The following FRA10AC1 variants were observed in gnomAD, a reference collection of about 807,000 sequenced individuals.
FRA10AC1 encodes FRA10A associated CGG repeat 1, also known as protein FRA10AC1.
A neutral mutation model predicts 56.5 loss-of-function variants in FRA10AC1; 43 were observed. That is an observed-to-expected ratio of 0.76 (90% CI 0.60 to 0.98). The LOEUF is 0.98. FRA10AC1 is among the 50% of genes least tolerant of loss of function. FRA10AC1 has a pLI of 0.00. For synonymous variants in FRA10AC1, 112 were observed against 110.5 expected (o/e 1.01, Z -0.09); for missense variants, 346 against 351.8 (o/e 0.98, Z 0.13).
Position 93,668,561 on chromosome 10 carries a change from T to C in FRA10AC1, c.*1265A>G, listed in dbSNP as rs1450693593. On this transcript the variant is annotated 3_prime_UTR_variant, in exon 14 of 14. Coordinates refer to ENST00000359204, the MANE Select transcript of FRA10AC1 (RefSeq NM_145246.5). ...CATTTTCACACTGCTGATAAAGACA[T>C]ACCAGAGACTGGGGAAGAAAAAGAG... 2.0e-5 allele frequency: 3 copies of C among 153,724 alleles called. No homozygotes were observed. In the East Asian group the frequency reaches 5.7e-4, roughly 29 times the overall value. The allele number at this position is 153,724 out of a possible 1,614,324, so 9.5% of individuals were successfully genotyped here. A position where few individuals can be genotyped will look rare whatever the true frequency, so the allele number is the denominator to read the frequency against.
intron 11 of FRA10AC1, among the ~76,000 whole-genome samples, chr10:93,679,309 G>T (rs1293777595): frequency 6.6e-6 from 1 of 152,282 alleles, no homozygotes; most frequent in Middle Eastern, 3.4e-3. Context: ...ATATAGCAAT[G>T]AACAAAGCAG....
intron 2 of FRA10AC1, 137 bp downstream of exon 2, chr10:93,699,893 A>C: frequency 1.8e-6 from 1 of 565,454 alleles, no homozygotes; most frequent in Non-Finnish European, 3.1e-6. Flanking sequence ...GTATTAGCTT[A>C]ATGAACAAAA....
chr10:93,687,497 C>T, intron 7 of FRA10AC1, 48 bp from the exon 8 acceptor site: 1 of 1,410,046 alleles, frequency 7.1e-7, no homozygotes, highest in Non-Finnish European at 9.5e-7. Context: ...TTAAATTATA[C>T]AGAAATCTAA....
chr10:93,697,260 G>A (rs1458058583), intron 4 of FRA10AC1, among the ~76,000 whole-genome samples: 1 of 152,108 alleles, frequency 6.6e-6, no homozygotes, highest in African/African-American at 2.4e-5. Flanking sequence ...ATGTTTAAAT[G>A]CTAAAGGAAC....
At chr10:93,692,120 T>C (rs764771487) in intron 6 of FRA10AC1, 27 bp from the exon 7 acceptor site, 2 of 1,427,616 alleles carry the variant, frequency 1.4e-6, no homozygotes. Context: ...ATAAATATTA[T>C]ACATTTAGAA....
Position 93,676,623 on chromosome 10 carries a change from A to AT in FRA10AC1, c.826+29dup, listed in dbSNP as rs778647064. 3.2e-6 allele frequency: 5 copies of AT among 1,543,044 alleles called. No homozygotes were observed. The East Asian group carries it at 1.2e-4, about 37-fold the overall frequency. ...TAAATTGCAAATACCTCAAATGCAT[A>AT]TTTTTATTAAATAAACACTTGTTAC... On this transcript the variant is annotated intron_variant, in intron 12 of 13. Transcript: ENST00000359204.
chr10:93,692,586 A>G, intron 6 of FRA10AC1, 60 bp downstream of exon 6: 1 of 1,100,494 alleles, frequency 9.1e-7, no homozygotes, highest in Non-Finnish European at 1.4e-6. Context: ...AAAACCACTC[A>G]GAAAACAGGA....
At chr10:93,685,039 A>C (rs1257092601) in intron 9 of FRA10AC1, among the ~76,000 whole-genome samples, 5 of 152,156 alleles carry the variant, frequency 3.3e-5, no homozygotes, top group Non-Finnish European at 5.9e-5. Context: ...TTGACATTAG[A>C]ATTCTTTTTA....
At chr10:93,694,967 CT>C in intron 4 of FRA10AC1, 30 bp from the exon 5 acceptor site, 1 of 1,134,396 alleles carries the variant, frequency 8.8e-7, no homozygotes, top group Non-Finnish European at 1.3e-6. Flanking sequence ...GGATTTTATT[CT>C]CTTAGGAGCT....
chr10:93,677,723 C>A (rs1278739396), intron 11 of FRA10AC1, among the ~76,000 whole-genome samples: 2 of 152,134 alleles, frequency 1.3e-5, no homozygotes, highest in Non-Finnish European at 2.9e-5. Flanking sequence ...TACAACAGTG[C>A]CTCTCTCAAA....
chr10:93,676,660 A>C lies in FRA10AC1; in HGVS notation c.819T>G (p.Ser273=). 6.4e-7 allele frequency: 1 copy of C among 1,565,120 alleles called. No individual in the cohort carries two copies. The highest frequency in any genetic ancestry group is 8.6e-7 in the Non-Finnish European group (1 of 1,160,868). Residue 273 remains serine, a synonymous_variant, in exon 12 of 14, where the codon TCT becomes TCG. Transcript: ENST00000359204. ...GHSSSKKSED[S]LLRNSDEEES... The stretch of plus-strand genomic sequence containing the variant: ...TAAACACTTGTTACTTACTAAGTAG[A>C]GAATCTTCAGATTTCTTTGAAGATG...
At chr10:93,684,495 CTCT>C (rs771467648) in intron 9 of FRA10AC1, among the ~76,000 whole-genome samples, 7 of 126,892 alleles carry the variant, frequency 5.5e-5, no homozygotes, top group Non-Finnish European at 1.2e-4. Context: ...TAATTGTGGT[CTCT>C]TTTTTTTTTT....
intron 1 of FRA10AC1, among the ~76,000 whole-genome samples, chr10:93,702,082 G>T (rs2059343208): frequency 1.3e-5 from 2 of 151,804 alleles, no homozygotes; most frequent in Admixed American, 6.6e-5. Flanking sequence ...TCCTATTCTT[G>T]CTCCCACTCT....
chr10:93,682,691 G>A (rs184335924), intron 10 of FRA10AC1, among the ~76,000 whole-genome samples: 2 of 152,220 alleles, frequency 1.3e-5, no homozygotes, highest in Admixed American at 1.3e-4. Context: ...TGTAGTCTCA[G>A]CTATTCTGGA....
In FRA10AC1 at chr10:93,676,650, T is replaced by C; in HGVS notation, c.826+3A>G. On this transcript the variant is annotated splice_donor_region_variant and intron_variant, in intron 12 of 13. Coordinates refer to ENST00000359204, the MANE Select transcript of FRA10AC1 (RefSeq NM_145246.5). ...TTTTATTAAATAAACACTTGTTACT[T>C]ACTAAGTAGAGAATCTTCAGATTTC... The C allele has an allele frequency of 6.4e-7, 1 of 1,558,486 alleles. No homozygotes were observed. Among genetic ancestry groups the C allele is most frequent in the Non-Finnish European group, 8.6e-7 (1 of 1,158,290 alleles).
intron 2 of FRA10AC1, among the ~76,000 whole-genome samples, chr10:93,699,780 GAA>G (rs976829998): frequency 3.3e-5 from 5 of 152,190 alleles, no homozygotes; most frequent in African/African-American, 4.8e-5. Flanking sequence ...ACTGATTTCT[GAA>G]AAGATTCCAG....
At chr10:93,700,203 GT>G in intron 1 of FRA10AC1, 97 bp from the exon 2 acceptor site, 1 of 713,202 alleles carries the variant, frequency 1.4e-6, no homozygotes, top group Non-Finnish European at 2.4e-6. Context: ...AGCCACAATA[GT>G]TTTAAAGGAT....
intron 5 of FRA10AC1, among the ~76,000 whole-genome samples, chr10:93,694,587 G>A (rs1436447054): frequency 2.0e-5 from 3 of 151,792 alleles, no homozygotes; most frequent in African/African-American, 4.8e-5. Context: ...GGTGGCAGGA[G>A]CCTGTAATCC....
At chr10:93,700,268 C>A (rs970429775) in intron 1 of FRA10AC1, among the ~76,000 whole-genome samples, 162 bp from the exon 2 acceptor site, 2 of 152,186 alleles carry the variant, frequency 1.3e-5, no homozygotes, top group African/African-American at 2.4e-5. Context: ...AACTTTCATT[C>A]GCTTTTAAAT....
Sources: gnomAD v4.1 joint callset for allele counts (sites outside exome capture counted in the v4.1 genomes callset) on GRCh38, gnomAD v4.1.1 for gene constraint, MANE v1.5 for transcripts, NCBI Gene and HGNC (gene_info 2026-07-23, HGNC 2026-07-21) for gene names.